Variants in SLC2A12 observed in about 807,000 individuals in gnomAD.
SLC2A12 encodes solute carrier family 2, facilitated glucose transporter member 12.
SLC2A12 carries 23 observed loss-of-function variants against 41.8 expected under a neutral mutation model. The observed-to-expected ratio is 0.55, with a 90% confidence interval of 0.40 to 0.78. The LOEUF (loss-of-function observed/expected upper bound fraction) is 0.78. SLC2A12 is among the 30% of genes least tolerant of loss of function. The probability of loss-of-function intolerance (pLI) is 0.00; values close to 1 mark genes in which losing one functional copy is unlikely to be tolerated. For synonymous variants in SLC2A12, 295 were observed against 285.9 expected (o/e 1.03, Z -0.32); for missense variants, 654 against 745.6 (o/e 0.88, Z 1.43).
chr6:134,013,515 G>A (rs909302475), intron 2 of SLC2A12, among the ~76,000 whole-genome samples: 4 of 151,880 alleles, frequency 2.6e-5, no homozygotes, highest in African/African-American at 9.7e-5. Flanking sequence ...TGGATGGGGA[G>A]TTTTTTTCTT....
chr6:134,005,282 C>T (rs1052053175), intron 3 of SLC2A12, among the ~76,000 whole-genome samples: 7 of 151,982 alleles, frequency 4.6e-5, no homozygotes, highest in Non-Finnish European at 7.4e-5. Context: ...GCCTTATTTC[C>T]GACATAGGGA....
At chr6:133,993,781 G>A (rs779041761) in intron 4 of SLC2A12, among the ~76,000 whole-genome samples, 4 of 152,152 alleles carry the variant, frequency 2.6e-5, no homozygotes, top group Admixed American at 6.5e-5. Context: ...AAGAGAATTC[G>A]AGGCAGAGAA....
Position 133,993,762 on chromosome 6 carries a change from A to G in SLC2A12, c.1701-2454T>C, listed in dbSNP as rs74997218. ...AGGTGAAGCAGCAAGACAGGTGGATATCTAGGATAAGAGAATTCGAGGCAG... is the reference window on the plus strand; with the variant it reads ...AGGTGAAGCAGCAAGACAGGTGGATGTCTAGGATAAGAGAATTCGAGGCAG... On this transcript the variant is annotated intron_variant, in intron 4 of 4. Coordinates refer to ENST00000275230, the MANE Select transcript of SLC2A12 (RefSeq NM_145176.3). Among the ~76,000 whole-genome samples the G allele has an allele frequency of 4.5e-3, 688 of 152,336 alleles. 1 individual carries two copies. The highest frequency in any genetic ancestry group is 6.7e-3 in the Non-Finnish European group (457 of 68,024).
intron 2 of SLC2A12, among the ~76,000 whole-genome samples, chr6:134,018,357 CT>C (rs1250647176): frequency 2.0e-5 from 3 of 152,202 alleles, no homozygotes; most frequent in Non-Finnish European, 2.9e-5. Flanking sequence ...CTAGATAAAA[CT>C]GAAAGCTAGA....
intron 2 of SLC2A12, among the ~76,000 whole-genome samples, chr6:134,018,089 C>A (rs774920919): frequency 1.3e-5 from 2 of 152,038 alleles, no homozygotes; most frequent in African/African-American, 4.8e-5. Context: ...AAGAAGACCA[C>A]AGCATCGTAA....
At chr6:134,008,395 C>T (rs759704047) in intron 2 of SLC2A12, among the ~76,000 whole-genome samples, 2 of 152,162 alleles carry the variant, frequency 1.3e-5, no homozygotes, top group Non-Finnish European at 2.9e-5. Context: ...ACAGGGTTAC[C>T]TTTCATGCAT....
intron 1 of SLC2A12, among the ~76,000 whole-genome samples, chr6:134,032,291 G>T (rs1190653580): frequency 6.6e-6 from 1 of 151,178 alleles, no homozygotes; most frequent in Non-Finnish European, 1.5e-5. Flanking sequence ...AAATTTATGA[G>T]CATTTTGAAC....
intron 2 of SLC2A12, among the ~76,000 whole-genome samples, chr6:134,016,764 A>G (rs575440622): frequency 5.9e-5 from 9 of 152,314 alleles, no homozygotes; most frequent in African/African-American, 2.2e-4. Context: ...TGGCTATGGT[A>G]TGATTTTTCT....
intron 3 of SLC2A12, 43 bp downstream of exon 3, chr6:134,006,769 C>G (rs766023166): frequency 2.6e-5 from 42 of 1,610,048 alleles, no homozygotes; most frequent in Admixed American, 3.4e-5. Flanking sequence ...AACATTTGTC[C>G]TACGAGGACC....
chr6:134,050,608 T>A (rs1448711407), intron 1 of SLC2A12, among the ~76,000 whole-genome samples: 1 of 152,220 alleles, frequency 6.6e-6, no homozygotes, highest in Non-Finnish European at 1.5e-5. Flanking sequence ...ACAGTCCATT[T>A]TTAATGGTTA....
chr6:134,015,935 G>A (rs1246367376), intron 2 of SLC2A12, among the ~76,000 whole-genome samples: 1 of 152,184 alleles, frequency 6.6e-6, no homozygotes, highest in Non-Finnish European at 1.5e-5. Flanking sequence ...CAATAGGCTG[G>A]TTCAGCTCCA....
At chr6:134,034,697 G>A (rs1777268445) in intron 1 of SLC2A12, among the ~76,000 whole-genome samples, 1 of 152,196 alleles carries the variant, frequency 6.6e-6, no homozygotes, top group Non-Finnish European at 1.5e-5. Context: ...GCAGGAAGGT[G>A]GGGTTTGTGT....
At chr6:134,049,359 G>C (rs1330626027) in intron 1 of SLC2A12, among the ~76,000 whole-genome samples, 1 of 152,178 alleles carries the variant, frequency 6.6e-6, no homozygotes, top group East Asian at 1.9e-4. Flanking sequence ...AACTTAAGAG[G>C]ACTCTGTCCC....
intron 2 of SLC2A12, among the ~76,000 whole-genome samples, chr6:134,010,963 C>T (rs1374095933): frequency 2.0e-5 from 3 of 152,148 alleles, no homozygotes; most frequent in Admixed American, 2.0e-4. Context: ...AATTCTACAG[C>T]TCTCCAGGCA....
intron 2 of SLC2A12, among the ~76,000 whole-genome samples, chr6:134,009,667 T>TAAATAAAATAAAATA (rs77349912): frequency 0.02 from 2,941 of 148,774 alleles, 101 homozygotes; most frequent in African/African-American, 0.069. Flanking sequence ...CTTAAAATAA[T>TAAATAAAATAAAATA]AAATAAAATA....
intron 1 of SLC2A12, among the ~76,000 whole-genome samples, chr6:134,034,119 C>T (rs1299975677): frequency 6.6e-6 from 1 of 152,124 alleles, no homozygotes; most frequent in Non-Finnish European, 1.5e-5. Flanking sequence ...AAACCTTTTA[C>T]AATTTTCTAT....
chr6:133,998,131 C>A (rs1032772995), intron 4 of SLC2A12, among the ~76,000 whole-genome samples: 14 of 152,164 alleles, frequency 9.2e-5, no homozygotes, highest in African/African-American at 3.4e-4. Context: ...CTTTCAAAAA[C>A]ATTTCCTAAG....
At chr6:134,044,753 A>ATTTT (rs34896875) in intron 1 of SLC2A12, among the ~76,000 whole-genome samples, 1,775 of 147,324 alleles carry the variant, frequency 0.012, 36 homozygotes, top group African/African-American at 0.042. Flanking sequence ...TCTTAGATAC[A>ATTTT]TTTTTTTTTA....
At chr6:133,991,749 A>G (rs1255658959) in intron 4 of SLC2A12, among the ~76,000 whole-genome samples, 1 of 152,174 alleles carries the variant, frequency 6.6e-6, no homozygotes, top group Non-Finnish European at 1.5e-5. Context: ...ATTGTATTTT[A>G]CCTTTACTAA....
Sources: allele counts gnomAD v4.1 joint callset (sites outside exome capture counted in the v4.1 genomes callset), GRCh38; gene constraint gnomAD v4.1.1; transcripts MANE v1.5; gene names NCBI Gene and HGNC (gene_info 2026-07-23, HGNC 2026-07-21).